The following ATRNL1 variants were observed in gnomAD, a reference collection of about 807,000 sequenced individuals.
ATRNL1 encodes the protein attractin-like protein 1.
ATRNL1 carries 95 observed loss-of-function variants against 182.7 expected under a neutral mutation model. The observed-to-expected ratio is 0.52, with a 90% CI of 0.44 to 0.62. ATRNL1 has a LOEUF of 0.62. Ranked by LOEUF, ATRNL1 falls within the 20% of genes least tolerant of loss-of-function variation. The pLI is 0.00. For missense variants in ATRNL1, 1,471 were observed against 1,679.5 expected (o/e 0.88, Z 2.17); for synonymous variants, 576 against 568.3 (o/e 1.01, Z -0.19).
intron 8 of ATRNL1, among the ~76,000 whole-genome samples, chr10:115,184,953 A>G (rs1200365272): frequency 4.6e-5 from 7 of 152,108 alleles, no homozygotes; most frequent in South Asian, 2.1e-4. Flanking sequence ...AGGTGAAGCA[A>G]TTCTGAAATT....
intron 25 of ATRNL1, among the ~76,000 whole-genome samples, chr10:115,540,983 G>T (rs1190337388): frequency 6.6e-6 from 1 of 152,096 alleles, no homozygotes; most frequent in East Asian, 1.9e-4. Context: ...TATCTAGAAG[G>T]TAATGTAGGA....
At chr10:115,400,907 A>C (rs1256529800) in intron 20 of ATRNL1, among the ~76,000 whole-genome samples, 1 of 151,944 alleles carries the variant, frequency 6.6e-6, no homozygotes, top group Non-Finnish European at 1.5e-5. Context: ...TTGCCTTTCT[A>C]TGTCTTTTAA....
intron 8 of ATRNL1, among the ~76,000 whole-genome samples, chr10:115,176,168 G>A (rs543620741): frequency 2.0e-5 from 3 of 151,892 alleles, no homozygotes; most frequent in South Asian, 4.2e-4. Context: ...TTTTTTTCTT[G>A]TAAATTTGTT....
At chr10:115,823,901 T>A (rs1452038775) in intron 27 of ATRNL1, among the ~76,000 whole-genome samples, 1 of 152,204 alleles carries the variant, frequency 6.6e-6, no homozygotes, top group Non-Finnish European at 1.5e-5. Flanking sequence ...TGCCATTGAC[T>A]TTCTTCACAG....
rs1178877366 is a variant in ATRNL1, at chr10:115,561,041, C to A, written c.3795+11505C>A. The stretch of plus-strand genomic sequence containing the variant: ...GATACACCAATATGTGACACCTAAA[C>A]TATAAAACTCTTAGAAGAAAATACA... On this transcript the variant is annotated intron_variant, in intron 26 of 28. Coordinates refer to ENST00000355044, the MANE Select transcript of ATRNL1 (RefSeq NM_207303.4). Among the ~76,000 whole-genome samples, 52 of 152,050 alleles carry A rather than the reference C, an allele frequency of 3.4e-4. 1 individual carries two copies. Among genetic ancestry groups the A allele is most frequent in the Admixed American group, 3.4e-3 (52 of 15,262 alleles).
intron 26 of ATRNL1, among the ~76,000 whole-genome samples, chr10:115,618,975 A>G (rs1857577916): frequency 6.6e-6 from 1 of 152,064 alleles, no homozygotes; most frequent in South Asian, 2.1e-4. Flanking sequence ...CTTTCATAGG[A>G]TGTATTTTTC....
chr10:115,191,745 T>A (rs114425704), intron 8 of ATRNL1, among the ~76,000 whole-genome samples: 1 of 152,022 alleles, frequency 6.6e-6, no homozygotes, highest in African/African-American at 2.4e-5. Context: ...GGTGCCTTCC[T>A]TCCCCTTCCC....
At chr10:115,143,786 G>T (rs1389177931) in intron 5 of ATRNL1, among the ~76,000 whole-genome samples, 1 of 152,120 alleles carries the variant, frequency 6.6e-6, no homozygotes, top group Non-Finnish European at 1.5e-5. Flanking sequence ...GCTGGAGAGA[G>T]TGAGCAAGCT....
intron 26 of ATRNL1, among the ~76,000 whole-genome samples, chr10:115,553,374 G>A (rs532258492): frequency 1.3e-5 from 2 of 151,400 alleles, no homozygotes; most frequent in East Asian, 3.9e-4. Flanking sequence ...TACATTTCAT[G>A]TGATAGCAAT....
chr10:115,759,136 T>C (rs1948667417), intron 27 of ATRNL1, among the ~76,000 whole-genome samples: 1 of 152,190 alleles, frequency 6.6e-6, no homozygotes, highest in South Asian at 2.1e-4. Context: ...TATTATTTTG[T>C]TTACGCGGAT....
intron 1 of ATRNL1, among the ~76,000 whole-genome samples, chr10:115,095,503 G>A (rs782182011): frequency 1.8e-4 from 27 of 151,838 alleles, no homozygotes; most frequent in Non-Finnish European, 3.5e-4. Context: ...AGTAGGTTTT[G>A]GAAGTGAAAT....
At chr10:115,372,890 T>C (rs1334288345) in intron 19 of ATRNL1, among the ~76,000 whole-genome samples, 1 of 152,142 alleles carries the variant, frequency 6.6e-6, no homozygotes, top group Non-Finnish European at 1.5e-5. Flanking sequence ...GGGTTGTGTT[T>C]TCTGTTTCTG....
intron 26 of ATRNL1, among the ~76,000 whole-genome samples, chr10:115,571,051 A>G (rs1452101893): frequency 2.6e-5 from 4 of 152,212 alleles, no homozygotes; most frequent in Admixed American, 1.3e-4. Context: ...TTCCACCCCC[A>G]TTAACTAAGA....
At chr10:115,754,298 G>A (rs1345904310) in intron 27 of ATRNL1, among the ~76,000 whole-genome samples, 1 of 152,074 alleles carries the variant, frequency 6.6e-6, no homozygotes, top group African/African-American at 2.4e-5. Flanking sequence ...TGGTTTTTGT[G>A]GTTTTAGGTC....
At chr10:115,362,714 C>T (rs1224697394) in intron 19 of ATRNL1, among the ~76,000 whole-genome samples, 1 of 152,014 alleles carries the variant, frequency 6.6e-6, no homozygotes, top group African/African-American at 2.4e-5. Flanking sequence ...TATTCCCCTT[C>T]CTGTGTCCAT....
chr10:115,251,988 C>T (rs185361292), intron 10 of ATRNL1, among the ~76,000 whole-genome samples: 237 of 152,274 alleles, frequency 1.6e-3, no homozygotes, highest in African/African-American at 5.6e-3. Context: ...TCTCCCACCT[C>T]CTGCCAACAT....
At chr10:115,202,192 C>G (rs1184186080) in intron 8 of ATRNL1, among the ~76,000 whole-genome samples, 1 of 152,062 alleles carries the variant, frequency 6.6e-6, no homozygotes, top group Non-Finnish European at 1.5e-5. Flanking sequence ...GACAATTTGA[C>G]TTCCTCTTTT....
Position 115,745,749 on chromosome 10 carries a change from G to GT in ATRNL1, c.3903+18398dup, listed in dbSNP as rs747970214. Among the ~76,000 whole-genome samples the GT allele has an allele frequency of 3.8e-4, 58 of 152,200 alleles. 1 individual carries two copies. Among genetic ancestry groups the GT allele is most frequent in the Admixed American group, 8.5e-4 (13 of 15,278 alleles). ...TACTTTTGCACCAACCCAAAATTTG[G>GT]TTTTGAAGAGACGTAAATTAATTTC... On this transcript the variant is annotated intron_variant, in intron 27 of 28. Transcript: ENST00000355044.
intron 26 of ATRNL1, among the ~76,000 whole-genome samples, chr10:115,618,864 G>T (rs1857572678): frequency 6.6e-6 from 1 of 152,072 alleles, no homozygotes; most frequent in Non-Finnish European, 1.5e-5. Flanking sequence ...TATGTTCCTT[G>T]GGTGATGCAA....
Sources: allele counts gnomAD v4.1 joint callset (sites outside exome capture counted in the v4.1 genomes callset), GRCh38; gene constraint gnomAD v4.1.1; transcripts MANE v1.5; gene names NCBI Gene and HGNC (gene_info 2026-07-23, HGNC 2026-07-21).